TBC1D2B: variants seen among roughly 807,000 people sequenced by gnomAD.
TBC1D2B encodes the protein TBC1 domain family member 2B.
A neutral mutation model predicts 100.8 loss-of-function variants in TBC1D2B; 64 were observed. The observed-to-expected ratio is 0.64, with a 90% CI of 0.52 to 0.78. The LOEUF (loss-of-function observed/expected upper bound fraction) is 0.78. Ranked by LOEUF, TBC1D2B falls within the 30% of genes least tolerant of loss-of-function variation. The pLI is 0.00. For missense variants in TBC1D2B, 1,052 were observed against 1,218.4 expected (o/e 0.86, Z 2.03); for synonymous variants, 480 against 479.7 (o/e 1.00, Z -0.01).
chr15:78,045,526 T>C (rs2073176989), intron 2 of TBC1D2B, among the ~76,000 whole-genome samples: 1 of 151,366 alleles, frequency 6.6e-6, no homozygotes, highest in Non-Finnish European at 1.5e-5. Context: ...TATAAATGTA[T>C]TTGCTTGTAA....
intron 11 of TBC1D2B, chr15:78,002,485 CT>C (rs35653686): frequency 2.1e-3 from 293 of 142,796 alleles, no homozygotes; most frequent in African/African-American, 5.2e-3. Flanking sequence ...CCTGGCCTTT[CT>C]TTTTTTTTTT....
intron 1 of TBC1D2B, among the ~76,000 whole-genome samples, chr15:78,068,539 T>TG (rs1282910969): frequency 6.6e-6 from 1 of 152,148 alleles, no homozygotes; most frequent in Non-Finnish European, 1.5e-5. Context: ...TAGGAGGTGA[T>TG]GCTCTGGTAG....
chr15:77,998,223 C>A lies in TBC1D2B; in HGVS notation c.2829G>T (p.Leu943=), dbSNP rs2071813839. The A allele has an allele frequency of 6.3e-7, 1 of 1,576,584 alleles. No homozygotes were observed. The highest frequency in any genetic ancestry group is 8.6e-7 in the Non-Finnish European group (1 of 1,161,926). ...TELEAIREDF[L]RERDTSPDKG... is the part of the protein sequence containing the mutation. ...TGTCAGGGCTGGTGTCCCGCTCACG[C>A]AGGAAGTCCTCACGGATGGCCTCCA... The change falls in exon 13 of 13, where the codon CTG becomes CTT. Residue 943 remains leucine (L), a synonymous_variant. Coordinates refer to ENST00000300584, the MANE Select transcript of TBC1D2B (RefSeq NM_144572.2).
rs148206295 is a variant in TBC1D2B at position 78,061,201 on chromosome 15, G to A, written c.361-7014C>T. ...AGAGATTACAGTGAGCCAAGATTGT[G>A]CCATTGCACTCCAACCTAGGCAACA... On this transcript the variant is annotated intron_variant, in intron 1 of 12. Coordinates refer to ENST00000300584, the MANE Select transcript of TBC1D2B (RefSeq NM_144572.2). Among the ~76,000 whole-genome samples, 4 of 151,524 alleles carry A rather than the reference G, an allele frequency of 2.6e-5. No individual in the cohort carries two copies. The East Asian group carries it at 7.7e-4, about 29-fold the overall frequency.
At chr15:78,032,816 C>T (rs1311091938) in intron 3 of TBC1D2B, among the ~76,000 whole-genome samples, 4 of 151,446 alleles carry the variant, frequency 2.6e-5, no homozygotes, top group Admixed American at 6.6e-5. Context: ...CAACCTAAAA[C>T]GAAACAGAAA....
At chr15:78,058,648 G>A (rs924474261) in intron 1 of TBC1D2B, among the ~76,000 whole-genome samples, 1 of 152,304 alleles carries the variant, frequency 6.6e-6, no homozygotes, top group East Asian at 1.9e-4. Flanking sequence ...AGAAGCTAAC[G>A]GCCAGGACCA....
chr15:78,019,106 T>C (rs1343680274), intron 6 of TBC1D2B, among the ~76,000 whole-genome samples: 1 of 151,944 alleles, frequency 6.6e-6, no homozygotes, highest in Non-Finnish European at 1.5e-5. Flanking sequence ...TCCCCAGAGA[T>C]GCGGCTACAG....
At chr15:78,014,498 C>G (rs952000474) in intron 8 of TBC1D2B, among the ~76,000 whole-genome samples, 3 of 152,194 alleles carry the variant, frequency 2.0e-5, no homozygotes, top group African/African-American at 7.2e-5. Context: ...ATGGTCCTTG[C>G]ATCACTGTAA....
At chr15:78,034,719 T>G (rs2072905882) in intron 3 of TBC1D2B, 5 of 985,378 alleles carry the variant, frequency 5.1e-6, no homozygotes, top group Non-Finnish European at 6.0e-6. Flanking sequence ...TTGCTGGAGG[T>G]GCGGTGCTAC....
At chr15:78,011,319 C>T (rs748459746) in intron 9 of TBC1D2B, among the ~76,000 whole-genome samples, 5 of 152,288 alleles carry the variant, frequency 3.3e-5, no homozygotes, top group South Asian at 4.1e-4. Context: ...AAAACCCTTA[C>T]CTGGAGGTCA....
rs1258738442 is a variant in TBC1D2B at position 77,996,002 on chromosome 15, C to T, written c.*2158G>A. On this transcript the variant is annotated 3_prime_UTR_variant, in exon 13 of 13. Coordinates refer to ENST00000300584, the MANE Select transcript of TBC1D2B (RefSeq NM_144572.2). ...CAGTCCTGGAAGGAGGAGTTGGCTC[C>T]GTCCCGTTCCCAAACTTTAACCAGG... The T allele has an allele frequency of 1.3e-5, 2 of 151,394 alleles. No individual in the cohort carries two copies. Among genetic ancestry groups the T allele is most frequent in the Non-Finnish European group, 2.9e-5 (2 of 67,806 alleles). 9.4% of individuals were successfully genotyped at this position (151,394 alleles called of 1,614,324 possible).
chr15:78,055,028 G>T (rs1269424777), intron 1 of TBC1D2B, among the ~76,000 whole-genome samples: 1 of 152,062 alleles, frequency 6.6e-6, no homozygotes, highest in Non-Finnish European at 1.5e-5. Context: ...CTACTACATG[G>T]ATAAATATTA....
intron 3 of TBC1D2B, 47 bp from the exon 4 acceptor site, chr15:78,030,217 C>T (rs747369941): frequency 1.1e-5 from 17 of 1,533,458 alleles, no homozygotes; most frequent in Non-Finnish European, 1.5e-5. Flanking sequence ...AAAAGTAAAA[C>T]AAAACGTAAT....
At chr15:78,018,776 T>C (rs1325441958) in intron 6 of TBC1D2B, among the ~76,000 whole-genome samples, 2 of 152,180 alleles carry the variant, frequency 1.3e-5, no homozygotes, top group African/African-American at 2.4e-5. Flanking sequence ...AGTGTTTTCA[T>C]GTAAAACACT....
chr15:78,008,868 T>C, intron 10 of TBC1D2B, 129 bp downstream of exon 10: 1 of 657,570 alleles, frequency 1.5e-6, no homozygotes, highest in East Asian at 2.7e-5. Context: ...TGGCCTGCTG[T>C]CTTCAGGAAT....
intron 1 of TBC1D2B, among the ~76,000 whole-genome samples, chr15:78,068,385 A>ACACC (rs1555422896): frequency 7.1e-5 from 9 of 126,156 alleles, no homozygotes; most frequent in South Asian, 2.5e-4. Context: ...CACCACACCC[A>ACACC]CACACACACA....
intron 7 of TBC1D2B, chr15:78,016,963 C>A: frequency 2.1e-6 from 1 of 472,220 alleles, no homozygotes; most frequent in Non-Finnish European, 3.7e-6. Flanking sequence ...TGCTGATAAT[C>A]AGACCTCTGG....
At position 78,045,067 on chromosome 15, in the gene TBC1D2B, ATCTG is replaced by A. The variant is rs1480309148; in HGVS notation, c.515-3_515del. The A allele has an allele frequency of 1.1e-5, 18 of 1,591,366 alleles. No individual in the cohort carries two copies. Among genetic ancestry groups the A allele is most frequent in the Middle Eastern group, 1.7e-4 (1 of 5,986 alleles). ...AAGCATTTGGGTGTGGGTAAATTAA[ATCTG>A]AAAAAAAAGGTAAACAAATGTCAGT... On this transcript the variant is annotated splice_acceptor_variant and splice_polypyrimidine_tract_variant and coding_sequence_variant and intron_variant, in exon 3 of 13. Coordinates refer to ENST00000300584, the MANE Select transcript of TBC1D2B (RefSeq NM_144572.2). LOFTEE classifies it high-confidence loss of function.
At chr15:78,075,974 CA>C (rs1326295110) in intron 1 of TBC1D2B, among the ~76,000 whole-genome samples, 1 of 152,192 alleles carries the variant, frequency 6.6e-6, no homozygotes, top group Non-Finnish European at 1.5e-5. Flanking sequence ...CATCCCAGCC[CA>C]ACCCTGTTGC....
Sources: allele counts gnomAD v4.1 joint callset (sites outside exome capture counted in the v4.1 genomes callset), GRCh38; gene constraint gnomAD v4.1.1; transcripts MANE v1.5; gene names NCBI Gene and HGNC (gene_info 2026-07-23, HGNC 2026-07-21).